The following RLIG1 variants were observed in gnomAD, a reference collection of about 807,000 sequenced individuals.
The protein encoded by RLIG1 is RNA ligase 1.
At chr12:88,047,067 A>G in the RLIG1 span, 4 of 1,260,234 alleles carry the variant, frequency 3.2e-6, no homozygotes, top group Non-Finnish European at 4.3e-6. Flanking sequence ...TACAAATGGC[A>G]GCAATTCTTA....
chr12:88,048,432 A>G, the RLIG1 span: 1 of 1,299,920 alleles, frequency 7.7e-7, no homozygotes, highest in South Asian at 1.4e-5. Flanking sequence ...AAATGCAAAT[A>G]AAATTAGTTT....
chr12:88,047,481 A>G, the RLIG1 span, among the ~76,000 whole-genome samples: 1 of 152,134 alleles, frequency 6.6e-6, no homozygotes. Flanking sequence ...TAATTCACTG[A>G]AGTAAAAACT....
At chr12:88,045,437 T>C in the RLIG1 span, 1 of 639,554 alleles carries the variant, frequency 1.6e-6, no homozygotes, top group Admixed American at 3.1e-5. Context: ...AACTGTTAAC[T>C]TTCCCACTGA....
At chr12:88,044,869 G>A in the RLIG1 span, 1 of 152,330 alleles carries the variant, frequency 6.6e-6, no homozygotes, top group South Asian at 2.1e-4. Context: ...ACATCATGAA[G>A]TGGCTGTAAA....
At chr12:88,042,261 A>G in the RLIG1 span, 1 of 152,164 alleles carries the variant, frequency 6.6e-6, no homozygotes, top group Non-Finnish European at 1.5e-5. Context: ...GCTCAGCTTC[A>G]ACAGCAGAGC....
chr12:88,036,709 G>C, the RLIG1 span, among the ~76,000 whole-genome samples: 1 of 152,264 alleles, frequency 6.6e-6, no homozygotes, highest in African/African-American at 2.4e-5. Context: ...AGCTGTTACA[G>C]TTAATATTTC....
the RLIG1 span, chr12:88,049,327 C>T: frequency 6.3e-7 from 1 of 1,590,344 alleles, no homozygotes; most frequent in African/African-American, 1.3e-5. Flanking sequence ...TTCACTTCTT[C>T]CTTGTAATTA....
the RLIG1 span, among the ~76,000 whole-genome samples, chr12:88,036,999 A>G: frequency 6.6e-6 from 1 of 152,204 alleles, no homozygotes; most frequent in Non-Finnish European, 1.5e-5. Context: ...ACCTCTCTGC[A>G]GTTAAGAACA....
chr12:88,047,528 T>A, the RLIG1 span, among the ~76,000 whole-genome samples: 7 of 152,236 alleles, frequency 4.6e-5, no homozygotes, highest in South Asian at 1.5e-3. Flanking sequence ...CATTACTTCA[T>A]ACATCCAGTT....
At chr12:88,046,437 C>T in the RLIG1 span, among the ~76,000 whole-genome samples, 3 of 152,232 alleles carry the variant, frequency 2.0e-5, no homozygotes, top group South Asian at 6.2e-4. Flanking sequence ...GGTTGGTAGA[C>T]TTTTTCTGCC....
chr12:88,050,157 C>G, the RLIG1 span: 1 of 457,042 alleles, frequency 2.2e-6, no homozygotes, highest in Non-Finnish European at 3.8e-6. Context: ...ACTACTTAAT[C>G]CTATGTTGAG....
chr12:88,037,492 TG>T, the RLIG1 span, among the ~76,000 whole-genome samples: 7 of 152,258 alleles, frequency 4.6e-5, no homozygotes, highest in African/African-American at 1.7e-4. Context: ...AGGAGCTCCA[TG>T]GGGCAGAGTA....
chr12:88,049,165 CAA>C, the RLIG1 span: 2 of 1,416,660 alleles, frequency 1.4e-6, no homozygotes, highest in South Asian at 1.3e-5. Context: ...TTAAATGAAA[CAA>C]AGTTTATAGG....
At chr12:88,045,761 AT>A in the RLIG1 span, 1 of 1,612,754 alleles carries the variant, frequency 6.2e-7, no homozygotes, top group African/African-American at 1.3e-5. Context: ...AGGAACAAAT[AT>A]CAATGGAAAC....
the RLIG1 span, chr12:88,049,539 G>A: frequency 9.7e-6 from 6 of 621,380 alleles, no homozygotes; most frequent in Non-Finnish European, 1.7e-5. Context: ...CAGCAATAAA[G>A]GCAGAAGAAT....
chr12:88,037,642 A>G, the RLIG1 span, among the ~76,000 whole-genome samples: 1 of 152,226 alleles, frequency 6.6e-6, no homozygotes, highest in Non-Finnish European at 1.5e-5. Flanking sequence ...AACCAGTTGT[A>G]TTTTTAAAGT....
At chr12:88,044,589 A>G in the RLIG1 span, 1 of 152,216 alleles carries the variant, frequency 6.6e-6, no homozygotes, top group African/African-American at 2.4e-5. Flanking sequence ...TTAAGAACTA[A>G]CAGGAATGAA....
chr12:88,045,902 A>G, the RLIG1 span: 39 of 711,296 alleles, frequency 5.5e-5, no homozygotes, highest in Non-Finnish European at 7.9e-5. Flanking sequence ...TTAGTTTCCT[A>G]GGATTATATC....
the RLIG1 span, chr12:88,043,701 A>G: frequency 6.2e-7 from 1 of 1,609,694 alleles, no homozygotes; most frequent in Non-Finnish European, 8.5e-7. Context: ...CCTGATGAAA[A>G]TGGACACATT....
Sources: allele counts gnomAD v4.1 joint callset (sites outside exome capture counted in the v4.1 genomes callset), GRCh38; gene constraint gnomAD v4.1.1; transcripts MANE v1.5; gene names NCBI Gene and HGNC (gene_info 2026-07-23, HGNC 2026-07-21).